The following TDRKH variants were observed in gnomAD, a reference collection of about 807,000 sequenced individuals.
TDRKH encodes the protein tudor and KH domain containing, also known as tudor and KH domain-containing protein.
TDRKH carries 28 observed loss-of-function variants against 61.3 expected under a neutral mutation model. That is an observed-to-expected ratio of 0.46 (90% CI 0.34 to 0.63). TDRKH has a LOEUF of 0.63. TDRKH is among the 20% of genes least tolerant of loss of function. TDRKH has a pLI of 0.01. For synonymous variants in TDRKH, 219 were observed against 244.4 expected (o/e 0.90, Z 0.97); for missense variants, 540 against 683.4 (o/e 0.79, Z 2.34).
At position 151,780,007 on chromosome 1, in the gene TDRKH, T is replaced by G; in HGVS notation, c.365A>C (p.Asn122Thr). 2 of 1,614,180 alleles carry G rather than the reference T, an allele frequency of 1.2e-6. No homozygotes were observed. Among genetic ancestry groups the G allele is most frequent in the Non-Finnish European group, 1.7e-6 (2 of 1,180,012 alleles). ...TGAAAGCTGCTCAGACACTGGGGTA[T>G]TCTCTGTCAGGATCTGATGGATTGC... Reference protein sequence around the residue: ...KAAIHQILTENTPVSEQLSVP... With the variant: ...KAAIHQILTETTPVSEQLSVP... The change falls in exon 4 of 13, where the codon AAT (asparagine) becomes ACT (threonine). Residue 122 changes from asparagine to threonine, a missense_variant. Coordinates refer to ENST00000368824, the MANE Select transcript of TDRKH (RefSeq NM_001083965.2).
downstream of TDRKH, among the ~76,000 whole-genome samples, chr1:151,769,680 G>T (rs554058025): frequency 6.6e-6 from 1 of 152,070 alleles, no homozygotes; most frequent in African/African-American, 2.4e-5. Context: ...GGTGGTGGCC[G>T]GGCAGAGGCT....
chr1:151,775,483 C>T lies in TDRKH; in HGVS notation c.1343G>A (p.Trp448Ter). The T allele has an allele frequency of 1.2e-6, 2 of 1,614,102 alleles. No individual in the cohort carries two copies. The highest frequency in any genetic ancestry group is 1.1e-5 in the South Asian group (1 of 91,062). ...EFDRLTHCADWKPLVAKISSY... is the reference protein window; with the variant it reads ...EFDRLTHCAD ...AGAGATCTTGGCTACCAGAGGCTTC[C>T]AGTCAGCACAATGAGTGAGTCTATC... The change falls in exon 10 of 13, where the codon TGG becomes TAG. Residue 448 changes from tryptophan (W) to a stop codon, truncating the protein, a stop_gained. Coordinates refer to ENST00000368824, the MANE Select transcript of TDRKH (RefSeq NM_001083965.2). LOFTEE classifies it high-confidence loss of function.
rs747546248 is a variant in TDRKH at position 151,779,945 on chromosome 1, T to C, written c.421+6A>G. The C allele has an allele frequency of 2.5e-6, 4 of 1,604,764 alleles. No individual in the cohort carries two copies. The highest frequency in any genetic ancestry group is 3.4e-6 in the Non-Finnish European group (4 of 1,172,628). On this transcript the variant is annotated splice_donor_region_variant and intron_variant, in intron 4 of 12. Coordinates refer to ENST00000368824, the MANE Select transcript of TDRKH (RefSeq NM_001083965.2). ...GGAAACAATAGAGGAAGCCATCCAG[T>C]GGTACCTATGATTCTGCCCACAGAT...
At chr1:151,767,419 T>G, downstream of TDRKH, 5 of 1,496,448 alleles carry the variant, frequency 3.3e-6, no homozygotes, top group Non-Finnish European at 4.4e-6. Context: ...TTGGAACGCA[T>G]GTGTAAAAGC....
chr1:151,775,718 C>T (rs749714338), intron 9 of TDRKH, 102 bp downstream of exon 9: 69 of 1,514,388 alleles, frequency 4.6e-5, no homozygotes, highest in Non-Finnish European at 5.8e-5. Flanking sequence ...CACCTGAGTC[C>T]CCAGAATTCA....
At chr1:151,784,109 G>C (rs1464457408) in intron 1 of TDRKH, among the ~76,000 whole-genome samples, 2 of 152,196 alleles carry the variant, frequency 1.3e-5, no homozygotes, top group Non-Finnish European at 2.9e-5. Context: ...AGCATTCAGA[G>C]AAAATATCCA....
chr1:151,778,542 AAT>A, intron 6 of TDRKH, 141 bp downstream of exon 6: 1 of 1,550,254 alleles, frequency 6.5e-7, no homozygotes, highest in Non-Finnish European at 8.9e-7. Context: ...CCATCTTCAA[AAT>A]ATCTTACCGA....
At chr1:151,776,645 G>A in intron 6 of TDRKH, 46 bp from the exon 7 acceptor site, 2 of 1,601,152 alleles carry the variant, frequency 1.2e-6, no homozygotes, top group Non-Finnish European at 1.7e-6. Context: ...CCCATCTCTG[G>A]TTGGAATGAA....
intron 3 of TDRKH, among the ~76,000 whole-genome samples, 153 bp downstream of exon 3, chr1:151,781,328 A>AAAAAATATATATATATATATATATATAT (rs1491536697): frequency 1.5e-4 from 10 of 68,586 alleles, no homozygotes; most frequent in South Asian, 3.7e-4. Flanking sequence ...AAAAAAAAAA[A>AAAAAATATATATATATATATATATATAT]ATATATATAT....
chr1:151,779,053 A>G (rs1649494362), intron 5 of TDRKH, 47 bp from the exon 6 acceptor site: 4 of 1,612,350 alleles, frequency 2.5e-6, no homozygotes, highest in Non-Finnish European at 3.4e-6. Flanking sequence ...GGGATAGAGT[A>G]AAAGGATCTT....
downstream of TDRKH, chr1:151,769,624 C>T (rs1329047083): frequency 8.5e-6 from 2 of 236,202 alleles, no homozygotes; most frequent in Non-Finnish European, 8.4e-6. Context: ...CCTCACATCC[C>T]AGACGATGGG....
At chr1:151,767,176 G>T, downstream of TDRKH, 8 of 1,613,880 alleles carry the variant, frequency 5.0e-6, no homozygotes, top group Non-Finnish European at 6.8e-6. Flanking sequence ...CACTTATAAG[G>T]AAGAGGAGGA....
chr1:151,772,584 AT>A (rs1314639340), downstream of TDRKH, among the ~76,000 whole-genome samples: 1 of 152,052 alleles, frequency 6.6e-6, no homozygotes, highest in Non-Finnish European at 1.5e-5. Flanking sequence ...TTCACTTGCC[AT>A]TTTTCTACCA....
Position 151,782,912 on chromosome 1 carries a change from A to G in TDRKH, c.111T>C (p.Tyr37=), listed in dbSNP as rs1368514525. The G allele has an allele frequency of 2.5e-6, 4 of 1,609,696 alleles. No individual in the cohort carries two copies. The highest frequency in any genetic ancestry group is 2.2e-5 in the East Asian group (1 of 44,590). The change falls in exon 2 of 13, where the codon TAT becomes TAC. Residue 37 remains tyrosine, a synonymous_variant. Transcript: ENST00000368824. ...GGGTTCACGTACCTCTGCTTTCCCT[A>G]TACCTGCGGTATAGGATATAGGCAA... The part of the protein sequence containing the change: ...ATVAYILYRR[Y]RESREERLTF...
At chr1:151,766,818 G>T (rs756736979), downstream of TDRKH, 16 of 1,608,740 alleles carry the variant, frequency 9.9e-6, no homozygotes, top group Non-Finnish European at 1.4e-5. Flanking sequence ...GTCACCATAC[G>T]CCTATTACCT....
At position 151,774,709 on chromosome 1, in the gene TDRKH, C is replaced by A; in HGVS notation, c.1633+1G>T. The A allele has an allele frequency of 2.5e-6, 4 of 1,614,042 alleles. No homozygotes were observed. The highest frequency in any genetic ancestry group is 3.4e-6 in the Non-Finnish European group (4 of 1,179,948). ...CTCTAGGGAGGAAATACTGCTTGTA[C>A]CTGATAAGCTGAGGCAGGACAGGGT... On this transcript the variant is annotated splice_donor_variant, in intron 12 of 12. Coordinates refer to ENST00000368824, the MANE Select transcript of TDRKH (RefSeq NM_001083965.2). LOFTEE classifies it high-confidence loss of function.
At chr1:151,770,037 G>A (rs1308353919), downstream of TDRKH, 7 of 1,472,266 alleles carry the variant, frequency 4.8e-6, no homozygotes, top group Admixed American at 3.5e-5. Context: ...GTCCAGCTTC[G>A]GCTTTCACAA....
At chr1:151,778,395 G>A (rs1434581660) in intron 6 of TDRKH, among the ~76,000 whole-genome samples, 3 of 152,178 alleles carry the variant, frequency 2.0e-5, no homozygotes, top group Non-Finnish European at 4.4e-5. Flanking sequence ...CATCAACTTT[G>A]CTTCAGAGTG....
At chr1:151,773,378 G>A (rs938143002), downstream of TDRKH, 12 of 152,748 alleles carry the variant, frequency 7.9e-5, no homozygotes, top group African/African-American at 2.9e-4. Flanking sequence ...GTATATGGGA[G>A]GGACACTTGT....
Sources: allele counts gnomAD v4.1 joint callset (sites outside exome capture counted in the v4.1 genomes callset), GRCh38; gene constraint gnomAD v4.1.1; transcripts MANE v1.5; gene names NCBI Gene and HGNC (gene_info 2026-07-23, HGNC 2026-07-21).